Variants in HDAC9 observed in about 807,000 individuals in gnomAD.
HDAC9 encodes the protein histone deacetylase 9.
In HDAC9, 41 loss-of-function variants were observed where a neutral mutation model predicts 139.4. The observed-to-expected ratio is 0.29, with a 90% CI of 0.23 to 0.38. HDAC9 has a LOEUF of 0.38. Ranked by LOEUF, HDAC9 falls within the 10% of genes least tolerant of loss-of-function variation. The pLI, the probability that HDAC9 is intolerant of heterozygous loss-of-function variation, is 1.00. For synonymous variants in HDAC9, 517 were observed against 476.2 expected (o/e 1.09, Z -1.12); for missense variants, 1,147 against 1,297.0 (o/e 0.88, Z 1.78).
chr7:18,343,967 A>G (rs990069043), intron 1 of HDAC9, among the ~76,000 whole-genome samples: 10 of 151,874 alleles, frequency 6.6e-5, no homozygotes, highest in African/African-American at 1.9e-4. Flanking sequence ...TTATTTTTCC[A>G]ATAACCCAAC....
intron 21 of HDAC9, among the ~76,000 whole-genome samples, chr7:18,841,471 T>C (rs1022372484): frequency 1.3e-5 from 2 of 152,124 alleles, no homozygotes; most frequent in African/African-American, 4.8e-5. Flanking sequence ...AAAAAGCTTT[T>C]CAAGTCCTTG....
chr7:18,365,143 A>G (rs140814683), intron 1 of HDAC9, among the ~76,000 whole-genome samples: 153 of 152,128 alleles, frequency 1.0e-3, no homozygotes, highest in African/African-American at 3.4e-3. Context: ...GAAGATATGT[A>G]ATTAGGTGTC....
intron 1 of HDAC9, among the ~76,000 whole-genome samples, chr7:18,093,156 C>T (rs1237034583): frequency 2.0e-5 from 3 of 152,214 alleles, no homozygotes; most frequent in Non-Finnish European, 4.4e-5. Flanking sequence ...TATTTTGTAT[C>T]TCAAACTCTG....
intron 2 of HDAC9, chr7:18,260,683 C>G (rs1033391375): frequency 6.5e-6 from 1 of 154,052 alleles, no homozygotes; most frequent in African/African-American, 2.4e-5. Context: ...CTCTTACTGT[C>G]TGTAGTGGAG....
chr7:18,707,088 A>G (rs1157064855), intron 12 of HDAC9, among the ~76,000 whole-genome samples: 2 of 152,246 alleles, frequency 1.3e-5, no homozygotes, highest in Non-Finnish European at 1.5e-5. Flanking sequence ...AGAGAAGCCA[A>G]CTGTCAAAAG....
chr7:18,746,867 T>G (rs1405581450), intron 13 of HDAC9, among the ~76,000 whole-genome samples: 1 of 147,810 alleles, frequency 6.8e-6, no homozygotes, highest in Non-Finnish European at 1.5e-5. Flanking sequence ...TATATAATTG[T>G]GACAAATGCT....
chr7:18,371,733 T>A (rs1047273470), intron 1 of HDAC9, among the ~76,000 whole-genome samples: 5 of 152,216 alleles, frequency 3.3e-5, no homozygotes, highest in African/African-American at 1.2e-4. Context: ...AGATCAAGGT[T>A]TTTTTCCTTC....
chr7:18,127,848 T>C (rs1784764830), intron 1 of HDAC9, among the ~76,000 whole-genome samples: 1 of 152,092 alleles, frequency 6.6e-6, no homozygotes, highest in Non-Finnish European at 1.5e-5. Context: ...ATTATTCAGA[T>C]TTCTTTTGCT....
upstream of HDAC9, among the ~76,000 whole-genome samples, chr7:18,288,550 G>T (rs1371653849): frequency 6.6e-6 from 1 of 152,162 alleles, no homozygotes; most frequent in South Asian, 2.1e-4. Flanking sequence ...GCAGGCATCA[G>T]ATGACTTCCT....
chr7:18,242,271 A>G (rs6461374), intron 2 of HDAC9, among the ~76,000 whole-genome samples: 114,230 of 152,146 alleles, frequency 0.75, 43,010 homozygotes, highest in South Asian at 0.86. Flanking sequence ...GGAGAAATGA[A>G]ATTGTGTGAC....
chr7:18,129,598 G>T (rs946526413), intron 1 of HDAC9, among the ~76,000 whole-genome samples: 2 of 152,118 alleles, frequency 1.3e-5, no homozygotes, highest in Non-Finnish European at 2.9e-5. Context: ...TATTATAGTT[G>T]ATTAAATACT....
At chr7:18,249,663 A>G (rs1794797048) in intron 2 of HDAC9, among the ~76,000 whole-genome samples, 1 of 152,146 alleles carries the variant, frequency 6.6e-6, no homozygotes, top group Non-Finnish European at 1.5e-5. Flanking sequence ...TCTACCCCCA[A>G]ATTAACTCTT....
intron 11 of HDAC9, among the ~76,000 whole-genome samples, chr7:18,654,942 A>G (rs191110252): frequency 7.9e-5 from 12 of 152,280 alleles, no homozygotes; most frequent in African/African-American, 2.4e-4. Context: ...TACAGAGCCA[A>G]CTACAGCCAG....
intron 1 of HDAC9, among the ~76,000 whole-genome samples, chr7:18,157,804 T>TGAAAGAGA (rs1401119294): frequency 9.1e-6 from 1 of 109,480 alleles, no homozygotes; most frequent in East Asian, 2.6e-4. Context: ...TTCTAAGGCA[T>TGAAAGAGA]GAGAGAGAGA....
At chr7:18,526,691 C>G (rs1807036013) in intron 2 of HDAC9, among the ~76,000 whole-genome samples, 2 of 152,122 alleles carry the variant, frequency 1.3e-5, no homozygotes, top group African/African-American at 4.8e-5. Context: ...CAATTAACTG[C>G]ACCAGTTCTA....
chr7:18,993,816 TAAATG>T (rs1183910332), intron 25 of HDAC9, among the ~76,000 whole-genome samples: 1 of 151,970 alleles, frequency 6.6e-6, no homozygotes, highest in African/African-American at 2.4e-5. Context: ...AATACATAAA[TAAATG>T]AAAGAGCGAG....
At chr7:18,834,682 A>T (rs1316359779) in intron 19 of HDAC9, among the ~76,000 whole-genome samples, 1 of 152,220 alleles carries the variant, frequency 6.6e-6, no homozygotes, top group Non-Finnish European at 1.5e-5. Flanking sequence ...GCTTTGGCCC[A>T]AATGATTTAA....
chr7:18,392,315 T>TCACACACACA (rs57932620), intron 1 of HDAC9, among the ~76,000 whole-genome samples: 139 of 119,346 alleles, frequency 1.2e-3, no homozygotes, highest in Non-Finnish European at 1.9e-3. Flanking sequence ...TCTCTCTCTC[T>TCACACACACA]CACACACACA....
intron 12 of HDAC9, among the ~76,000 whole-genome samples, chr7:18,718,017 C>T (rs1425346667): frequency 6.6e-6 from 1 of 151,992 alleles, no homozygotes; most frequent in Non-Finnish European, 1.5e-5. Context: ...ATGTACAATT[C>T]AGTGGTTTTT....
Sources: allele counts gnomAD v4.1 joint callset (sites outside exome capture counted in the v4.1 genomes callset), GRCh38; gene constraint gnomAD v4.1.1; transcripts MANE v1.5; gene names NCBI Gene and HGNC (gene_info 2026-07-23, HGNC 2026-07-21).